Variants in SLC35F1 observed in about 807,000 individuals in gnomAD.
SLC35F1 encodes chromosome 6 open reading frame 169.
A neutral mutation model predicts 48.7 loss-of-function variants in SLC35F1; 14 were observed. The ratio of observed to expected loss-of-function variants is 0.29; its 90% CI spans 0.19 to 0.45. SLC35F1 has a LOEUF of 0.45. SLC35F1 is among the 20% of genes least tolerant of loss of function. SLC35F1 has a pLI of 1.00. For missense variants in SLC35F1, 404 were observed against 500.0 expected (o/e 0.81, Z 1.83); for synonymous variants, 190 against 202.2 (o/e 0.94, Z 0.51).
intron 2 of SLC35F1, among the ~76,000 whole-genome samples, chr6:118,184,007 A>C (rs1303378110): frequency 2.0e-5 from 3 of 152,144 alleles, no homozygotes; most frequent in Non-Finnish European, 4.4e-5. Context: ...TACAACAGCA[A>C]AGACTTTTGT....
chr6:118,287,738 C>G (rs1776068240), intron 7 of SLC35F1, among the ~76,000 whole-genome samples: 1 of 152,134 alleles, frequency 6.6e-6, no homozygotes, highest in Admixed American at 6.5e-5. Flanking sequence ...TCCCACACTT[C>G]CACTGATGTG....
At chr6:118,067,017 A>C (rs1772625971) in intron 1 of SLC35F1, among the ~76,000 whole-genome samples, 1 of 152,192 alleles carries the variant, frequency 6.6e-6, no homozygotes, top group Admixed American at 6.5e-5. Flanking sequence ...TTGCTCTTTG[A>C]GAAACACTGA....
chr6:117,993,415 T>C (rs970246268), intron 1 of SLC35F1, among the ~76,000 whole-genome samples: 2 of 152,208 alleles, frequency 1.3e-5, no homozygotes, highest in Non-Finnish European at 2.9e-5. Flanking sequence ...AAAAACATAA[T>C]AATAGTTTCC....
intron 1 of SLC35F1, among the ~76,000 whole-genome samples, chr6:118,146,237 A>G (rs1317870006): frequency 6.6e-6 from 1 of 152,196 alleles, no homozygotes; most frequent in Non-Finnish European, 1.5e-5. Context: ...TTTCTAACTA[A>G]TGGAATGAGC....
At chr6:118,258,720 C>A (rs577257884) in intron 3 of SLC35F1, among the ~76,000 whole-genome samples, 2 of 151,546 alleles carry the variant, frequency 1.3e-5, no homozygotes, top group Non-Finnish European at 2.9e-5. Context: ...ATAACATGAC[C>A]CTAAAATGGA....
intron 1 of SLC35F1, among the ~76,000 whole-genome samples, chr6:118,015,112 C>G (rs146639276): frequency 6.6e-6 from 1 of 152,298 alleles, no homozygotes; most frequent in South Asian, 2.1e-4. Context: ...CCTGTTGCCA[C>G]GTAAGACATG....
intron 1 of SLC35F1, among the ~76,000 whole-genome samples, chr6:118,102,182 C>T (rs1773267586): frequency 6.6e-6 from 1 of 152,068 alleles, no homozygotes; most frequent in Admixed American, 6.5e-5. Flanking sequence ...GGACTTTTTC[C>T]TTTTCCATTT....
intron 1 of SLC35F1, among the ~76,000 whole-genome samples, chr6:117,978,150 A>G (rs777396973): frequency 2.0e-5 from 3 of 152,072 alleles, no homozygotes; most frequent in Admixed American, 6.6e-5. Flanking sequence ...TATTGGACCT[A>G]TCTTCTCCCT....
chr6:117,973,827 A>G (rs560823792), intron 1 of SLC35F1, among the ~76,000 whole-genome samples: 2 of 152,356 alleles, frequency 1.3e-5, no homozygotes, highest in South Asian at 2.1e-4. Context: ...AAGGATGACC[A>G]GAAGTACCTA....
At chr6:118,151,357 C>T (rs575726701) in intron 1 of SLC35F1, among the ~76,000 whole-genome samples, 2 of 152,270 alleles carry the variant, frequency 1.3e-5, no homozygotes, top group South Asian at 4.1e-4. Context: ...CCCTATCCCA[C>T]TCTGATCCCA....
intron 1 of SLC35F1, among the ~76,000 whole-genome samples, chr6:118,082,511 C>A (rs971874273): frequency 6.6e-5 from 10 of 152,110 alleles, no homozygotes; most frequent in African/African-American, 1.9e-4. Context: ...CTGTCTTTTC[C>A]TTAAAGCTTT....
chr6:117,917,714 G>C (rs1191480005), intron 1 of SLC35F1, among the ~76,000 whole-genome samples: 1 of 123,454 alleles, frequency 8.1e-6, no homozygotes, highest in African/African-American at 2.7e-5. Context: ...GTAGTGAAAC[G>C]GTCAAAAGAA....
At chr6:118,067,548 G>A (rs9374708) in intron 1 of SLC35F1, among the ~76,000 whole-genome samples, 35,352 of 151,976 alleles carry the variant, frequency 0.23, 4,326 homozygotes, top group East Asian at 0.34. Flanking sequence ...AAGACAGGTA[G>A]GAGCAATATC....
chr6:118,220,696 G>A (rs190457547), intron 2 of SLC35F1, among the ~76,000 whole-genome samples: 27 of 152,320 alleles, frequency 1.8e-4, no homozygotes, highest in Admixed American at 1.7e-3. Context: ...GTGGTTATCT[G>A]TGTAAGAGAA....
At chr6:118,247,099 A>G (rs1274270159) in intron 3 of SLC35F1, among the ~76,000 whole-genome samples, 1 of 152,216 alleles carries the variant, frequency 6.6e-6, no homozygotes, top group Non-Finnish European at 1.5e-5. Flanking sequence ...TTTAAGGAAA[A>G]TACATAAAGA....
intron 1 of SLC35F1, among the ~76,000 whole-genome samples, chr6:118,037,874 TG>T (rs1286911780): frequency 3.6e-5 from 3 of 83,132 alleles, no homozygotes; most frequent in African/African-American, 1.4e-4. Context: ...TGTTGGGGGG[TG>T]GGGGGCAAGA....
chr6:118,160,112 G>A, intron 2 of SLC35F1, among the ~76,000 whole-genome samples: 1 of 152,136 alleles, frequency 6.6e-6, no homozygotes, highest in Non-Finnish European at 1.5e-5. Flanking sequence ...TCAACTCATA[G>A]TGGTAGGGAA....
intron 2 of SLC35F1, among the ~76,000 whole-genome samples, chr6:118,154,951 A>T (rs1017603006): frequency 3.9e-5 from 6 of 152,192 alleles, no homozygotes; most frequent in African/African-American, 1.4e-4. Flanking sequence ...CCTGATGCAG[A>T]TATTCTAAAT....
intron 1 of SLC35F1, among the ~76,000 whole-genome samples, chr6:118,069,127 A>C (rs1772662017): frequency 6.6e-6 from 1 of 152,154 alleles, no homozygotes; most frequent in African/African-American, 2.4e-5. Flanking sequence ...TATTATTTCA[A>C]ATTCTATCAG....
Sources: gnomAD v4.1 joint callset for allele counts (sites outside exome capture counted in the v4.1 genomes callset) on GRCh38, gnomAD v4.1.1 for gene constraint, MANE v1.5 for transcripts, NCBI Gene and HGNC (gene_info 2026-07-23, HGNC 2026-07-21) for gene names.